HLF: variants seen among roughly 807,000 people sequenced by gnomAD.
HLF encodes the protein hepatic leukemia factor.
Under a neutral mutation model 22.6 loss-of-function variants are expected in HLF, and 3 were observed. That is an observed-to-expected ratio of 0.13 (90% CI 0.06 to 0.34). The LOEUF is 0.34. HLF is among the 10% of genes least tolerant of loss of function. HLF has a pLI of 1.00. For synonymous variants in HLF, 151 were observed against 151.8 expected (o/e 0.99, Z 0.04); for missense variants, 299 against 389.2 (o/e 0.77, Z 1.95).
intron 2 of HLF, among the ~76,000 whole-genome samples, chr17:55,276,328 C>T (rs1223499967): frequency 1.5e-4 from 23 of 152,124 alleles, no homozygotes; most frequent in Non-Finnish European, 2.9e-5. Flanking sequence ...AGTGACAGGA[C>T]AAACTAGCAT....
At chr17:55,318,621 G>A (rs767350549) in intron 3 of HLF, among the ~76,000 whole-genome samples, 1 of 152,018 alleles carries the variant, frequency 6.6e-6, no homozygotes, top group African/African-American at 2.4e-5. Flanking sequence ...TGTTCCAGGG[G>A]CTTGTTCTTA....
At chr17:55,290,014 G>T (rs116225470) in intron 2 of HLF, among the ~76,000 whole-genome samples, 2 of 152,152 alleles carry the variant, frequency 1.3e-5, no homozygotes, top group Non-Finnish European at 1.5e-5. Flanking sequence ...AAGATATTTC[G>T]CTTTGGAATG....
At chr17:55,301,439 T>A (rs2081156613) in intron 2 of HLF, among the ~76,000 whole-genome samples, 2 of 152,254 alleles carry the variant, frequency 1.3e-5, no homozygotes, top group South Asian at 4.1e-4. Flanking sequence ...TCTCGTTGAT[T>A]AAAAATTATA....
At chr17:55,309,942 T>G (rs1376495360) in intron 2 of HLF, among the ~76,000 whole-genome samples, 1 of 152,248 alleles carries the variant, frequency 6.6e-6, no homozygotes, top group East Asian at 1.9e-4. Context: ...GACAGAGTGC[T>G]GCTGTTCCCC....
chr17:55,271,582 T>A (rs28516001), intron 2 of HLF: 8,994 of 152,262 alleles, frequency 0.059, 375 homozygotes, highest in Non-Finnish European at 0.089. Flanking sequence ...CAGGCTGGAG[T>A]GCAGTGACAC....
chr17:55,267,873 A>G lies in HLF; in HGVS notation c.238A>G (p.Thr80Ala). The G allele has an allele frequency of 6.2e-7, 1 of 1,614,100 alleles. No homozygotes were observed. Among genetic ancestry groups the G allele is most frequent in the Non-Finnish European group, 8.5e-7 (1 of 1,180,004 alleles). ...WDKTLPYDGD[T>A]FQLEYMDLEE... ...CAAAACCCTTCCCTATGACGGAGAT[A>G]CTTTCCAGTTGGAATACATGGACCT... The change falls in exon 2 of 4, where the codon ACT (threonine) becomes GCT (alanine). Residue 80 changes from threonine to alanine, a missense_variant. Physicochemically the swap from Thr to Ala is moderately conservative, Grantham distance 58. Transcript: ENST00000226067.
At chr17:55,300,465 G>A (rs1359623910) in intron 2 of HLF, among the ~76,000 whole-genome samples, 2 of 152,168 alleles carry the variant, frequency 1.3e-5, no homozygotes, top group Admixed American at 1.3e-4. Flanking sequence ...ATTGGTATAT[G>A]AAGCTGAGAT....
chr17:55,281,162 GAGGGATGTTGAATTTC>G (rs2145315078), intron 2 of HLF, among the ~76,000 whole-genome samples: 1 of 152,338 alleles, frequency 6.6e-6, no homozygotes, highest in South Asian at 2.1e-4. Context: ...AGCCTCTTGT[GAGGGATGTTGAATTTC>G]AGCTAAAGCT....
At chr17:55,277,070 G>A (rs539688543) in intron 2 of HLF, among the ~76,000 whole-genome samples, 1 of 152,280 alleles carries the variant, frequency 6.6e-6, no homozygotes, top group South Asian at 2.1e-4. Context: ...AATAGTTTGA[G>A]GGATTTGACT....
At chr17:55,313,437 T>G (rs559628898) in intron 2 of HLF, among the ~76,000 whole-genome samples, 1 of 151,518 alleles carries the variant, frequency 6.6e-6, no homozygotes, top group East Asian at 1.9e-4. Flanking sequence ...TGATACAGCA[T>G]AATAAACAAT....
At chr17:55,290,074 C>G (rs2081046331) in intron 2 of HLF, among the ~76,000 whole-genome samples, 1 of 124,194 alleles carries the variant, frequency 8.1e-6, no homozygotes, top group Non-Finnish European at 1.6e-5. Context: ...TCAGAATGAT[C>G]TTTCTTCCTC....
At chr17:55,306,131 G>A (rs1331898646) in intron 2 of HLF, among the ~76,000 whole-genome samples, 1 of 152,052 alleles carries the variant, frequency 6.6e-6, no homozygotes, top group Non-Finnish European at 1.5e-5. Flanking sequence ...CAAGGTGGGA[G>A]CATTGTTTGA....
At chr17:55,307,145 GC>G (rs1904613087) in intron 2 of HLF, among the ~76,000 whole-genome samples, 1 of 134,620 alleles carries the variant, frequency 7.4e-6, no homozygotes, top group Non-Finnish European at 1.6e-5. Context: ...CCTCTCAGCG[GC>G]CTTTTTTTTT....
chr17:55,321,818 C>T lies in HLF; in HGVS notation c.*939C>T, dbSNP rs920473716. ...TTATCAGTACATGAGCCAAAAACTG[C>T]GTCTTGGATTAGCCTTTGACATTGA... On this transcript the variant is annotated 3_prime_UTR_variant, in exon 4 of 4. Transcript: ENST00000226067. 8 of 231,810 alleles carry T rather than the reference C, an allele frequency of 3.5e-5. No individual in the cohort carries two copies. Among genetic ancestry groups the T allele is most frequent in the African/African-American group, 6.6e-5 (3 of 45,230 alleles). The allele number at this position is 231,810 out of a possible 1,614,324, so 14.4% of individuals were successfully genotyped here. A position where few individuals can be genotyped will look rare whatever the true frequency, so the allele number is the denominator to read the frequency against.
chr17:55,324,686 G>T lies in HLF; in HGVS notation c.*3807G>T, dbSNP rs1187138762. On this transcript the variant is annotated 3_prime_UTR_variant, in exon 4 of 4. Transcript: ENST00000226067. ...CTGGCAAGGCCAAGGTCTCCTCCAC[G>T]TTTTTTCTGCAATTAATAATGTCAT... is the stretch of plus-strand genomic sequence containing the variant. The T allele has an allele frequency of 4.3e-6, 1 of 232,612 alleles. No homozygotes were observed. The highest frequency in any genetic ancestry group is 8.5e-6 in the Non-Finnish European group (1 of 117,670). 14.4% of individuals were successfully genotyped at this position (232,612 alleles called of 1,614,324 possible).
At chr17:55,291,711 A>G (rs1481386015) in intron 2 of HLF, among the ~76,000 whole-genome samples, 1 of 152,230 alleles carries the variant, frequency 6.6e-6, no homozygotes, top group Non-Finnish European at 1.5e-5. Flanking sequence ...ACTTTTTAAG[A>G]CAATAGCTGC....
chr17:55,286,011 G>A (rs927871292), intron 2 of HLF, among the ~76,000 whole-genome samples: 1 of 152,182 alleles, frequency 6.6e-6, no homozygotes, highest in Non-Finnish European at 1.5e-5. Context: ...TCAGTAAACA[G>A]AGCCAGGACT....
At chr17:55,312,041 A>T (rs150245932) in intron 2 of HLF, among the ~76,000 whole-genome samples, 3 of 151,898 alleles carry the variant, frequency 2.0e-5, no homozygotes, top group Non-Finnish European at 4.4e-5. Context: ...GTGTAGATGT[A>T]TCACATTTTC....
At chr17:55,288,884 C>A in intron 2 of HLF, 1 of 984,242 alleles carries the variant, frequency 1.0e-6, no homozygotes, top group Non-Finnish European at 1.2e-6. Context: ...ATCACAGAGA[C>A]ATGATTGGAA....
Sources: gnomAD v4.1 joint callset for allele counts (sites outside exome capture counted in the v4.1 genomes callset) on GRCh38, gnomAD v4.1.1 for gene constraint, MANE v1.5 for transcripts, NCBI Gene and HGNC (gene_info 2026-07-23, HGNC 2026-07-21) for gene names.